SCAF8: variants seen among roughly 807,000 people sequenced by gnomAD.
SCAF8 encodes SR-related and CTD-associated factor 8.
Under a neutral mutation model 140.5 loss-of-function variants are expected in SCAF8, and 23 were observed. The ratio of observed to expected loss-of-function variants is 0.16; its 90% CI spans 0.12 to 0.23. SCAF8 has a LOEUF of 0.23. Among genes scored for constraint, SCAF8 ranks in the 10% least tolerant of loss-of-function variants. The pLI is 1.00. For synonymous variants in SCAF8, 575 were observed against 528.9 expected (o/e 1.09, Z -1.20); for missense variants, 1,397 against 1,555.7 (o/e 0.90, Z 1.72).
intron 6 of SCAF8, among the ~76,000 whole-genome samples, chr6:154,798,764 G>A (rs1777683011): frequency 6.6e-6 from 1 of 151,162 alleles, no homozygotes; most frequent in Non-Finnish European, 1.5e-5. Context: ...ATCCTCCAGT[G>A]GCTCCCTGTC....
intron 4 of SCAF8, among the ~76,000 whole-genome samples, chr6:154,791,859 G>C (rs1309469261): frequency 1.3e-5 from 2 of 152,040 alleles, no homozygotes; most frequent in African/African-American, 4.8e-5. Flanking sequence ...TTAGAGTGTG[G>C]GTTGGGATGG....
At chr6:154,819,204 G>A (rs545809180) in intron 14 of SCAF8, among the ~76,000 whole-genome samples, 1 of 152,204 alleles carries the variant, frequency 6.6e-6, no homozygotes, top group Admixed American at 6.5e-5. Context: ...TTTCATTAAA[G>A]TTAATATATG....
intron 7 of SCAF8, among the ~76,000 whole-genome samples, chr6:154,802,847 A>C (rs1451316069): frequency 6.6e-6 from 1 of 152,170 alleles, no homozygotes; most frequent in Non-Finnish European, 1.5e-5. Context: ...TGTTTAAAGG[A>C]AACTTCTCTA....
chr6:154,736,942 A>G (rs1357156811), intron 1 of SCAF8, among the ~76,000 whole-genome samples: 1 of 152,230 alleles, frequency 6.6e-6, no homozygotes, highest in African/African-American at 2.4e-5. Flanking sequence ...GAAGGGAAAT[A>G]TATTTGAAGA....
intron 1 of SCAF8, among the ~76,000 whole-genome samples, chr6:154,735,501 A>G (rs952661656): frequency 1.3e-5 from 2 of 149,566 alleles, no homozygotes; most frequent in Non-Finnish European, 2.9e-5. Flanking sequence ...AAATTAGAGC[A>G]ATAGACTTGG....
chr6:154,827,382 G>T (rs1336688866), intron 18 of SCAF8, 142 bp downstream of exon 18: 6 of 603,162 alleles, frequency 9.9e-6, no homozygotes, highest in South Asian at 2.7e-5. Context: ...TCTAAAATAC[G>T]GTAAATGACA....
At chr6:154,777,332 T>A (rs2114851322) in intron 2 of SCAF8, among the ~76,000 whole-genome samples, 1 of 152,346 alleles carries the variant, frequency 6.6e-6, no homozygotes, top group Non-Finnish European at 1.5e-5. Flanking sequence ...TATTTCAAGT[T>A]TATTCATAGT....
rs1346725702 is a variant in SCAF8, at chr6:154,824,100, A to G, written c.1927-134A>G. The G allele has an allele frequency of 9.7e-6, 8 of 820,674 alleles. No individual in the cohort carries two copies. The East Asian group carries it at 1.5e-4, about 15-fold the overall frequency. 50.8% of individuals were successfully genotyped at this position (820,674 alleles called of 1,614,324 possible). A position where few individuals can be genotyped will look rare whatever the true frequency, so the allele number is the denominator to read the frequency against. ...TAAGTAGGTTCACTTGCAAGTATAC[A>G]AAAAGGGGGCATAAAACCCTTTTTA... On this transcript the variant is annotated intron_variant, in intron 16 of 19. Transcript: ENST00000367178.
intron 2 of SCAF8, among the ~76,000 whole-genome samples, chr6:154,775,476 TTAA>T (rs1776890990): frequency 6.6e-6 from 1 of 152,232 alleles, no homozygotes; most frequent in Admixed American, 6.5e-5. Flanking sequence ...GAGTACTTTC[TTAA>T]TAGAGTTAAT....
chr6:154,733,498 G>T lies in SCAF8; in HGVS notation c.-403G>T. 5 of 1,320,784 alleles carry T rather than the reference G, an allele frequency of 3.8e-6. No individual in the cohort carries two copies. The highest frequency in any genetic ancestry group is 4.8e-6 in the Non-Finnish European group (5 of 1,037,128). 81.8% of individuals were successfully genotyped at this position (1,320,784 alleles called of 1,614,324 possible). Reference sequence around the variant, plus strand: ...GGCTGGTTCCTGCGGCCCGAGCGGCGGGGAGGTGAAACAGGAGCCCGTCGG... The same window carrying T: ...GGCTGGTTCCTGCGGCCCGAGCGGCTGGGAGGTGAAACAGGAGCCCGTCGG... On this transcript the variant is annotated 5_prime_UTR_variant, in exon 1 of 20. Transcript: ENST00000367178.
intron 1 of SCAF8, among the ~76,000 whole-genome samples, chr6:154,752,991 G>A (rs1206749810): frequency 6.6e-6 from 1 of 151,880 alleles, no homozygotes; most frequent in African/African-American, 2.4e-5. Flanking sequence ...GTAAAAAGGA[G>A]TACAGTTTTG....
At chr6:154,783,181 C>T (rs371949484) in intron 3 of SCAF8, among the ~76,000 whole-genome samples, 8 of 152,100 alleles carry the variant, frequency 5.3e-5, no homozygotes, top group African/African-American at 1.4e-4. Context: ...CAGCTCTGTT[C>T]CAAAAATATG....
intron 1 of SCAF8, among the ~76,000 whole-genome samples, chr6:154,749,211 G>A (rs1340435146): frequency 6.6e-6 from 1 of 152,166 alleles, no homozygotes; most frequent in African/African-American, 2.4e-5. Flanking sequence ...AAAGTGGTGG[G>A]ATTACAGGCA....
At chr6:154,769,056 C>A (rs1776661122) in intron 1 of SCAF8, among the ~76,000 whole-genome samples, 1 of 74,246 alleles carries the variant, frequency 1.3e-5, no homozygotes. Flanking sequence ...GAGTGAGACA[C>A]TGTCTCAAAA....
chr6:154,749,187 C>T lies in SCAF8; in HGVS notation c.30+15257C>T, dbSNP rs149472240. 6.2e-3 allele frequency among the ~76,000 whole-genome samples: 950 copies of T among 152,288 alleles called. 1 individual carries two copies. Among genetic ancestry groups the T allele is most frequent in the Admixed American group, 9.9e-3 (152 of 15,298 alleles). The stretch of plus-strand genomic sequence containing the variant: ...GAACTCCCGACCTCGGTGATCTGCC[C>T]GCCTTAGCCTCCCAAAGTGGTGGGA... On this transcript the variant is annotated intron_variant, in intron 1 of 19. Transcript: ENST00000367178.
At chr6:154,815,911 T>G in intron 13 of SCAF8, 95 bp downstream of exon 13, 1 of 637,934 alleles carries the variant, frequency 1.6e-6, no homozygotes, top group South Asian at 1.9e-5. Flanking sequence ...CAGTAATGTC[T>G]GCCTTAAATA....
intron 1 of SCAF8, among the ~76,000 whole-genome samples, chr6:154,738,887 T>C (rs955379550): frequency 6.6e-6 from 1 of 152,218 alleles, no homozygotes; most frequent in African/African-American, 2.4e-5. Context: ...TCTATTGTTT[T>C]TTTGTTTCCT....
chr6:154,808,146 A>G lies in SCAF8; in HGVS notation c.1058A>G (p.Gln353Arg). 2 of 1,614,004 alleles carry G rather than the reference A, an allele frequency of 1.2e-6. No individual in the cohort carries two copies. Among genetic ancestry groups the G allele is most frequent in the African/African-American group, 1.3e-5 (1 of 75,056 alleles). Residue 353 changes from glutamine to arginine, a missense_variant, in exon 10 of 20, where the codon CAG becomes CGG. By Grantham distance (43) the Gln-to-Arg change is conservative. Transcript: ENST00000367178. ...TCACCATCACAAGGGAGTAGTCAGCAGCATTTTCTTGAACCTGAAGTCAAT... is the reference window on the plus strand; with the variant it reads ...TCACCATCACAAGGGAGTAGTCAGCGGCATTTTCTTGAACCTGAAGTCAAT... ...SASPSQGSSQ[Q>R]HFLEPEVNLD... is the part of the protein sequence containing the mutation.
At chr6:154,801,156 T>G (rs868649562) in intron 6 of SCAF8, among the ~76,000 whole-genome samples, 4 of 151,474 alleles carry the variant, frequency 2.6e-5, no homozygotes, top group African/African-American at 9.7e-5. Context: ...AGAAAATGTT[T>G]AGTTGATAGT....
Sources: gnomAD v4.1 joint callset for allele counts (sites outside exome capture counted in the v4.1 genomes callset) on GRCh38, gnomAD v4.1.1 for gene constraint, MANE v1.5 for transcripts, NCBI Gene and HGNC (gene_info 2026-07-23, HGNC 2026-07-21) for gene names.